TTI1: variants seen among roughly 807,000 people sequenced by gnomAD.
TTI1 encodes the protein TELO2-interacting protein 1 homolog.
TTI1 carries 52 observed loss-of-function variants against 85.4 expected under a neutral mutation model. The ratio of observed to expected loss-of-function variants is 0.61; its 90% CI spans 0.49 to 0.77. The LOEUF is 0.77. TTI1 is among the 30% of genes least tolerant of loss of function. The probability of loss-of-function intolerance (pLI) is 0.00; values close to 1 mark genes in which losing one functional copy is unlikely to be tolerated. For synonymous variants in TTI1, 512 were observed against 503.9 expected (o/e 1.02, Z -0.22); for missense variants, 1,173 against 1,296.0 (o/e 0.91, Z 1.46).
chr20:37,996,561 A>C, intron 6 of TTI1, 99 bp from the exon 7 acceptor site: 3 of 1,472,518 alleles, frequency 2.0e-6, no homozygotes, highest in Non-Finnish European at 2.8e-6. Flanking sequence ...GCTAGGCAAG[A>C]TGCTCTGGGC....
Position 38,013,550 on chromosome 20 carries a change from T to G in TTI1, c.267A>C (p.Glu89Asp), listed in dbSNP as rs981645071. The G allele has an allele frequency of 1.9e-6, 3 of 1,614,164 alleles. No individual in the cohort carries two copies. In the African/African-American group the frequency reaches 4.0e-5, roughly 22 times the overall value. The change falls in exon 2 of 8, where the codon GAA (glutamate) becomes GAC (aspartate). Residue 89 changes from glutamate (E) to aspartate (D), a missense_variant. Physicochemically the swap from Glu to Asp is conservative, Grantham distance 45. Transcript: ENST00000373447. Reference sequence around the variant, plus strand: ...AAAAGAGTTCCTGGAGAAGCTCCTGTTCTTTCACACATGTTGAAGAAAGGA... The same window carrying G: ...AAAAGAGTTCCTGGAGAAGCTCCTGGTCTTTCACACATGTTGAAGAAAGGA... ...TFVLSSTCVK[E>D]QELLQELFSE...
At chr20:38,027,212 C>T (rs1977417482) in intron 1 of TTI1, among the ~76,000 whole-genome samples, 2 of 152,134 alleles carry the variant, frequency 1.3e-5, no homozygotes, top group Admixed American at 6.5e-5. Flanking sequence ...ATGTTGAAGT[C>T]CCTTATAGAA....
chr20:38,013,644 A>G lies in TTI1; in HGVS notation c.173T>C (p.Phe58Ser). 1 of 1,614,200 alleles carries G rather than the reference A, an allele frequency of 6.2e-7. No homozygotes were observed. The highest frequency in any genetic ancestry group is 1.3e-5 in the African/African-American group (1 of 75,050). ...TTTGGGACCTGGGGTCTTCAGGGTA[A>G]ATCGCAGAGGGAAGAGGATGTACTG... ...LQQYILFPLRFTLKTPGPKRE... is the reference protein window; with the variant it reads ...LQQYILFPLRSTLKTPGPKRE... Residue 58 changes from phenylalanine (F) to serine (S), a missense_variant, in exon 2 of 8, where the codon TTT becomes TCT. Transcript: ENST00000373447.
At chr20:38,009,168 AT>A (rs2073544425) in intron 2 of TTI1, among the ~76,000 whole-genome samples, 1 of 152,204 alleles carries the variant, frequency 6.6e-6, no homozygotes, top group East Asian at 1.9e-4. Context: ...GAAACATAGC[AT>A]AGGTCGCTAA....
At chr20:37,989,593 T>A (rs981562758) in intron 7 of TTI1, among the ~76,000 whole-genome samples, 4 of 152,218 alleles carry the variant, frequency 2.6e-5, no homozygotes, top group African/African-American at 9.6e-5. Flanking sequence ...CAAGCCTAGA[T>A]CCCACGACAG....
At chr20:37,994,892 G>A (rs949136763) in intron 7 of TTI1, among the ~76,000 whole-genome samples, 1 of 152,180 alleles carries the variant, frequency 6.6e-6, no homozygotes, top group African/African-American at 2.4e-5. Context: ...AAAAGATAAT[G>A]AATTGAGAAT....
intron 1 of TTI1, among the ~76,000 whole-genome samples, chr20:38,019,693 T>C (rs2122623787): frequency 6.6e-6 from 1 of 152,366 alleles, no homozygotes; most frequent in African/African-American, 2.4e-5. Flanking sequence ...GACAGAAGTC[T>C]GAAGTACAAC....
chr20:38,027,318 T>C (rs2073848877), intron 1 of TTI1, among the ~76,000 whole-genome samples: 1 of 152,246 alleles, frequency 6.6e-6, no homozygotes, highest in South Asian at 2.1e-4. Flanking sequence ...GCAAATGTTA[T>C]GTAAACAGTT....
Position 37,983,501 on chromosome 20 carries a change from G to T in TTI1, c.3225C>A (p.Asn1075Lys), listed in dbSNP as rs934737881. The T allele has an allele frequency of 1.2e-6, 2 of 1,611,396 alleles. No individual in the cohort carries two copies. The highest frequency in any genetic ancestry group is 1.7e-6 in the Non-Finnish European group (2 of 1,179,622). ...VQLHGASGQQ[N>K]PYTTNVLQLL... ...GCTGGAGCACGTTGGTCGTGTAGGG[G>T]TTCTGCTGCCCGCTGGCCCCGTGCA... The change falls in exon 8 of 8, where the codon AAC (asparagine) becomes AAA (lysine). Residue 1075 changes from asparagine (N) to lysine (K), a missense_variant. By Grantham distance (94) the Asn-to-Lys change is moderately conservative. Transcript: ENST00000373447.
intron 1 of TTI1, among the ~76,000 whole-genome samples, chr20:38,031,076 T>C (rs2073900068): frequency 6.6e-6 from 1 of 152,214 alleles, no homozygotes; most frequent in South Asian, 2.1e-4. Flanking sequence ...TTCTTACCAC[T>C]TCCACAGATA....
intron 4 of TTI1, among the ~76,000 whole-genome samples, chr20:38,001,806 C>T (rs944139560): frequency 5.3e-5 from 8 of 152,154 alleles, no homozygotes; most frequent in Non-Finnish European, 1.0e-4. Flanking sequence ...ACAACCTCTG[C>T]CTCCTGGGTT....
chr20:38,003,424 T>A (rs944488301), intron 3 of TTI1, among the ~76,000 whole-genome samples: 3 of 152,206 alleles, frequency 2.0e-5, no homozygotes, highest in African/African-American at 7.2e-5. Flanking sequence ...GGTAATGAGA[T>A]AACAGATGAC....
At chr20:38,032,358 T>C (rs570915898) in intron 1 of TTI1, among the ~76,000 whole-genome samples, 1 of 152,300 alleles carries the variant, frequency 6.6e-6, no homozygotes, top group Admixed American at 6.5e-5. Context: ...TACAGTGCAA[T>C]AAGAGCAAAA....
intron 1 of TTI1, among the ~76,000 whole-genome samples, chr20:38,028,591 T>C (rs565800380): frequency 2.0e-5 from 3 of 152,286 alleles, no homozygotes; most frequent in South Asian, 4.1e-4. Flanking sequence ...CAACAATGGA[T>C]AGGATAACTA....
Position 38,019,712 on chromosome 20 carries a change from C to T in TTI1, c.-41-5855G>A, listed in dbSNP as rs1360364431. On this transcript the variant is annotated intron_variant, in intron 1 of 7. Transcript: ENST00000373447. ...GAAGTCTGAAGTACAACTAAAACAG[C>T]GATTACATTTGTGCAGAGTTTCTCA... 3.3e-5 allele frequency among the ~76,000 whole-genome samples: 5 copies of T among 152,276 alleles called. No individual in the cohort carries two copies. The East Asian group carries it at 9.6e-4, about 29-fold the overall frequency.
rs1372598898 is a variant in TTI1, at chr20:38,002,743, T to C, written c.2537A>G (p.Asn846Ser). ...TGGCTCCACATCTGGACGGGTGTCA[T>C]TCTCATCCACTTTGGGAGGGACTGA... ...EQSVPPKVDE[N>S]DTRPDVEPPL... The change falls in exon 4 of 8, where the codon AAT becomes AGT. Residue 846 changes from asparagine to serine, a missense_variant. Coordinates refer to ENST00000373447, the MANE Select transcript of TTI1 (RefSeq NM_001303457.2). The C allele has an allele frequency of 6.2e-7, 1 of 1,614,110 alleles. No individual in the cohort carries two copies. Among genetic ancestry groups the C allele is most frequent in the Non-Finnish European group, 8.5e-7 (1 of 1,180,050 alleles).
intron 3 of TTI1, among the ~76,000 whole-genome samples, chr20:38,004,472 G>A (rs2073469784): frequency 1.3e-5 from 2 of 152,184 alleles, no homozygotes; most frequent in Non-Finnish European, 2.9e-5. Context: ...TTTGTAGAAT[G>A]CTTGGATTTC....
chr20:38,006,138 T>C (rs948328487), intron 3 of TTI1, 59 bp downstream of exon 3: 4 of 1,592,926 alleles, frequency 2.5e-6, no homozygotes, highest in Non-Finnish European at 3.4e-6. Context: ...TGTTTCACCA[T>C]TTTTACAATA....
At chr20:38,026,523 A>C (rs2073838299) in intron 1 of TTI1, among the ~76,000 whole-genome samples, 1 of 152,164 alleles carries the variant, frequency 6.6e-6, no homozygotes, top group Admixed American at 6.5e-5. Context: ...GTTACACAAT[A>C]ATTTTCAGGT....
Sources: gnomAD v4.1 joint callset for allele counts (sites outside exome capture counted in the v4.1 genomes callset) on GRCh38, gnomAD v4.1.1 for gene constraint, MANE v1.5 for transcripts, NCBI Gene and HGNC (gene_info 2026-07-23, HGNC 2026-07-21) for gene names.